The following VWA5B1 variants were observed in gnomAD, a reference collection of about 807,000 sequenced individuals.
VWA5B1 encodes von Willebrand factor A domain-containing protein 5B1.
Under a neutral mutation model 118.2 loss-of-function variants are expected in VWA5B1, and 115 were observed. The ratio of observed to expected loss-of-function variants is 0.97; its 90% confidence interval spans 0.84 to 1.14. The LOEUF is 1.14. Among genes scored for constraint, VWA5B1 ranks in the 50% most tolerant of loss-of-function variants. The pLI is 0.00. For missense variants in VWA5B1, 1,596 were observed against 1,603.8 expected (o/e 1.00, Z 0.08); for synonymous variants, 682 against 658.4 (o/e 1.04, Z -0.55).
chr1:20,312,665 G>A (rs2088883493), intron 2 of VWA5B1, among the ~76,000 whole-genome samples, 171 bp from the exon 3 acceptor site: 1 of 152,210 alleles, frequency 6.6e-6, no homozygotes, highest in Non-Finnish European at 1.5e-5. Context: ...TTACCCACCT[G>A]GTCCCAGAGC....
chr1:20,318,624 C>T lies in VWA5B1; in HGVS notation c.744C>T (p.Asp248=), dbSNP rs184693835. ...VESPTHEIRA[D]AAPSARSAKS... The stretch of plus-strand genomic sequence containing the variant: ...GTCCCACTCATGAGATTCGTGCCGA[C>T]GCCGCCCCATCTGCCCGCTCGGCCA... Residue 248 remains aspartate (D), a synonymous_variant, in exon 6 of 22, where the codon GAC becomes GAT. Transcript: ENST00000289815. 104 of 1,551,210 alleles carry T rather than the reference C, an allele frequency of 6.7e-5. No homozygotes were observed. Among genetic ancestry groups the T allele is most frequent in the Middle Eastern group, 6.7e-4 (4 of 5,988 alleles).
chr1:20,312,897 C>T lies in VWA5B1; in HGVS notation c.201C>T (p.Ala67=), dbSNP rs763118945. The part of the protein sequence containing the change: ...TTVIGFEAVI[A]DRVVTVQIKD... ...TGATCGGCTTTGAGGCAGTCATTGC[C>T]GACCGTGTCGTGACAGTACAGATCA... Residue 67 remains alanine, a synonymous_variant, in exon 3 of 22, where the codon GCC becomes GCT. Transcript: ENST00000289815. The T allele has an allele frequency of 1.7e-5, 27 of 1,551,504 alleles. No individual in the cohort carries two copies. Among genetic ancestry groups the T allele is most frequent in the Middle Eastern group, 1.7e-4 (1 of 6,014 alleles).
intron 1 of VWA5B1, among the ~76,000 whole-genome samples, chr1:20,308,270 G>C (rs1309338252): frequency 1.3e-5 from 2 of 152,140 alleles, no homozygotes; most frequent in African/African-American, 2.4e-5. Flanking sequence ...TCTGCCGTCT[G>C]TTATCAGATG....
chr1:20,300,664 G>T (rs1223007769), intron 1 of VWA5B1, among the ~76,000 whole-genome samples: 1 of 152,170 alleles, frequency 6.6e-6, no homozygotes, highest in Non-Finnish European at 1.5e-5. Context: ...TGTCCTGAGG[G>T]TTACTAGAAC....
intron 9 of VWA5B1, among the ~76,000 whole-genome samples, chr1:20,329,287 C>CTTTTTTTT (rs10578067): frequency 4.5e-5 from 4 of 89,216 alleles, no homozygotes; most frequent in Non-Finnish European, 7.9e-5. Flanking sequence ...TTTCTTTTCC[C>CTTTTTTTT]TTTTTTTTTT....
Position 20,317,586 on chromosome 1 carries a change from T to G in VWA5B1, c.620T>G (p.Leu207Arg). 1.9e-6 allele frequency: 3 copies of G among 1,551,896 alleles called. No individual in the cohort carries two copies. The highest frequency in any genetic ancestry group is 2.6e-6 in the Non-Finnish European group (3 of 1,147,028). ...CCGGGCTCCTGGAATAAGTTGTGCC[T>G]GGCGACTCTCCTGAACACCGAAGTG... ...WAPGSWNKLCLATLLNTEVSN... is the reference protein window; with the variant it reads ...WAPGSWNKLCRATLLNTEVSN... Residue 207 changes from leucine (L) to arginine (R), a missense_variant, in exon 5 of 22, where the codon CTG becomes CGG. Leu to Arg is a moderately radical substitution (Grantham distance 102). Coordinates refer to ENST00000289815, the MANE Select transcript of VWA5B1 (RefSeq NM_001039500.3).
At chr1:20,304,553 G>GTGGGTGTGTGTGTGCACGTGCGTGCA (rs1557829989) in intron 1 of VWA5B1, among the ~76,000 whole-genome samples, 1 of 151,714 alleles carries the variant, frequency 6.6e-6, no homozygotes, top group Non-Finnish European at 1.5e-5. Context: ...AAAAATGGAG[G>GTGGGTGTGTGTGTGCACGTGCGTGCA]TGTGTGTGTG....
At chr1:20,297,416 C>T (rs886921183) in intron 1 of VWA5B1, among the ~76,000 whole-genome samples, 1 of 152,232 alleles carries the variant, frequency 6.6e-6, no homozygotes, top group African/African-American at 2.4e-5. Flanking sequence ...CTGGAAGTGA[C>T]ACACGTCGCT....
chr1:20,298,485 A>C (rs2088448194), intron 1 of VWA5B1, among the ~76,000 whole-genome samples: 2 of 150,988 alleles, frequency 1.3e-5, no homozygotes, highest in Admixed American at 1.3e-4. Flanking sequence ...TTATCCCCAC[A>C]TCCCACCTTC....
intron 14 of VWA5B1, among the ~76,000 whole-genome samples, chr1:20,340,955 G>T (rs902423522): frequency 6.6e-6 from 1 of 152,086 alleles, no homozygotes; most frequent in Non-Finnish European, 1.5e-5. Flanking sequence ...ACAGTGCAAG[G>T]TATTTATTTA....
intron 4 of VWA5B1, among the ~76,000 whole-genome samples, chr1:20,315,298 G>C (rs933482972): frequency 6.6e-6 from 1 of 152,192 alleles, no homozygotes; most frequent in East Asian, 1.9e-4. Flanking sequence ...AGGCTGCAGA[G>C]GCATTGGATG....
chr1:20,330,870 T>C lies in VWA5B1; in HGVS notation c.1459T>C (p.Cys487Arg), dbSNP rs1372101614. 4 of 1,551,658 alleles carry C rather than the reference T, an allele frequency of 2.6e-6. No homozygotes were observed. Among genetic ancestry groups the C allele is most frequent in the Non-Finnish European group, 3.5e-6 (4 of 1,146,964 alleles). The change falls in exon 11 of 22, where the codon TGC (cysteine) becomes CGC (arginine). Residue 487 changes from cysteine to arginine, a missense_variant and splice_region_variant. Physicochemically the swap from Cys to Arg is radical, Grantham distance 180 (BLOSUM62 -3). Coordinates refer to ENST00000289815, the MANE Select transcript of VWA5B1 (RefSeq NM_001039500.3). ...GCCTCTCTTCTCCCTTTCCGCCAGGTGCTATAGCTTTGGAATTGGACCCAA... is the reference window on the plus strand; with the variant it reads ...GCCTCTCTTCTCCCTTTCCGCCAGGCGCTATAGCTTTGGAATTGGACCCAA... ...LVRNHAFSTR[C>R]YSFGIGPNVC...
chr1:20,309,085 C>T (rs1363022594), intron 1 of VWA5B1, among the ~76,000 whole-genome samples: 2 of 152,152 alleles, frequency 1.3e-5, no homozygotes, highest in Non-Finnish European at 1.5e-5. Context: ...GGCCCTAGAT[C>T]ATTGAGATGT....
At chr1:20,323,618 T>A in intron 8 of VWA5B1, 86 bp downstream of exon 8, 2 of 1,263,174 alleles carry the variant, frequency 1.6e-6, no homozygotes, top group Non-Finnish European at 2.0e-6. Flanking sequence ...CTCAGCACTT[T>A]CTGTTCCAAG....
intron 18 of VWA5B1, chr1:20,349,177 C>G (rs777925834): frequency 1.3e-5 from 6 of 447,374 alleles, no homozygotes; most frequent in Admixed American, 2.4e-5. Flanking sequence ...GGTGGAAACC[C>G]AGAGGAGCTC....
chr1:20,292,304 G>A (rs944452459), intron 1 of VWA5B1, among the ~76,000 whole-genome samples: 7 of 152,066 alleles, frequency 4.6e-5, no homozygotes, highest in African/African-American at 1.4e-4. Context: ...GGGACTGGAC[G>A]AGGCTCAAAG....
chr1:20,298,798 G>C (rs1455856440), intron 1 of VWA5B1, among the ~76,000 whole-genome samples: 1 of 152,116 alleles, frequency 6.6e-6, no homozygotes, highest in Admixed American at 6.6e-5. Flanking sequence ...CTTGTCCCTG[G>C]TTGGTTCAGT....
chr1:20,330,037 A>C, intron 9 of VWA5B1, 143 bp from the exon 10 acceptor site: 1 of 907,268 alleles, frequency 1.1e-6, no homozygotes, highest in Non-Finnish European at 1.7e-6. Context: ...TCTTCCTGTG[A>C]GTGTGGGCAG....
Position 20,314,552 on chromosome 1 carries a change from T to G in VWA5B1, c.523T>G (p.Cys175Gly). Reference sequence around the variant, plus strand: ...CTGTGCCCCAACCGTGCCCCAGTTCTGCACCAAGAGCACTGGCACCTCCAA... The same window carrying G: ...CTGTGCCCCAACCGTGCCCCAGTTCGGCACCAAGAGCACTGGCACCTCCAA... ...AVCAPTVPQF[C>G]TKSTGTSNQQ... Residue 175 changes from cysteine to glycine, a missense_variant, in exon 4 of 22, where the codon TGC (cysteine) becomes GGC (glycine). Physicochemically the swap from Cys to Gly is radical, Grantham distance 159. Coordinates refer to ENST00000289815, the MANE Select transcript of VWA5B1 (RefSeq NM_001039500.3). The G allele has an allele frequency of 6.4e-7, 1 of 1,551,660 alleles. No homozygotes were observed.
Sources: allele counts gnomAD v4.1 joint callset (sites outside exome capture counted in the v4.1 genomes callset), GRCh38; gene constraint gnomAD v4.1.1; transcripts MANE v1.5; gene names NCBI Gene and HGNC (gene_info 2026-07-23, HGNC 2026-07-21).